The following GLIS3 variants were observed in gnomAD, a reference collection of about 807,000 sequenced individuals.
The protein encoded by GLIS3 is zinc finger protein GLIS3.
A neutral mutation model predicts 78.6 loss-of-function variants in GLIS3; 53 were observed. The ratio of observed to expected loss-of-function variants is 0.67; its 90% confidence interval spans 0.54 to 0.85. GLIS3 has a LOEUF of 0.85. Among genes scored for constraint, GLIS3 ranks in the 40% least tolerant of loss-of-function variants. The pLI is 0.00. For missense variants in GLIS3, 1,703 were observed against 1,231.1 expected, an observed-to-expected ratio of 1.38 and a Z score of -5.74; for synonymous variants, 684 against 509.9, an observed-to-expected ratio of 1.34 and a Z score of -4.60.
the GLIS3 span, among the ~76,000 whole-genome samples, chr9:4,463,127 C>T: frequency 1.3e-5 from 2 of 152,182 alleles, no homozygotes; most frequent in African/African-American, 4.8e-5. Flanking sequence ...TTACCAAATA[C>T]TGTGTCACAG....
chr9:4,108,510 A>T (rs1253230754), intron 4 of GLIS3, among the ~76,000 whole-genome samples: 5 of 152,192 alleles, frequency 3.3e-5, no homozygotes, highest in Admixed American at 6.5e-5. Context: ...CCGCTTCATT[A>T]CAACTGTTCT....
intron 2 of GLIS3, among the ~76,000 whole-genome samples, chr9:4,173,294 C>T (rs141085746): frequency 1.0e-3 from 158 of 152,264 alleles, no homozygotes; most frequent in African/African-American, 3.6e-3. Context: ...TTAATGCCTT[C>T]GAGCTCAGCA....
chr9:4,117,893 G>T lies in GLIS3; in HGVS notation c.1585C>A (p.Arg529Ser), dbSNP rs367832413. 2.5e-6 allele frequency: 4 copies of T among 1,614,006 alleles called. No individual in the cohort carries two copies. In the South Asian group the frequency reaches 3.3e-5, roughly 13 times the overall value. The change falls in exon 4 of 11, where the codon CGC becomes AGC. Residue 529 changes from arginine (R) to serine (S), a missense_variant. Arg to Ser is a moderately radical substitution (Grantham distance 110). Transcript: ENST00000381971. ...AAGCAAGTGAAGTCCTCCCCTTTGC[G>T]CTGGTCGATGTGGACCTTCTCGATG... ...RHIEKVHIDQ[R>S]KGEDFTCFWA...
At chr9:4,347,897 T>C (rs1032495127) in intron 1 of GLIS3, among the ~76,000 whole-genome samples, 3 of 152,192 alleles carry the variant, frequency 2.0e-5, no homozygotes, top group Middle Eastern at 3.2e-3. Context: ...AAGGGAACAA[T>C]AGAGTGGAGT....
At position 3,907,611 on chromosome 9, in the gene GLIS3, CACACACACACACAG is replaced by C. The variant is rs60955434; in HGVS notation, c.1984-8790_1984-8777del. Among the ~76,000 whole-genome samples, 788 of 94,774 alleles carry C rather than the reference CACACACACACACAG, an allele frequency of 8.3e-3. 3 individuals carry two copies. Among genetic ancestry groups the C allele is most frequent in the South Asian group, 0.015 (33 of 2,140 alleles). 62.2% of individuals were successfully genotyped at this position (94,774 alleles called of 152,430 possible). A position where few individuals can be genotyped will look rare whatever the true frequency, so the allele number is the denominator to read the frequency against. ...TAGCATCCTCCACCCCCCAAACACA[CACACACACACACAG>C]ACACACACACACACACACACACACA... On this transcript the variant is annotated intron_variant, in intron 6 of 10. Coordinates refer to ENST00000381971, the MANE Select transcript of GLIS3 (RefSeq NM_001042413.2).
At chr9:4,339,550 C>T (rs766842450) in intron 2 of GLIS3, among the ~76,000 whole-genome samples, 3 of 151,064 alleles carry the variant, frequency 2.0e-5, no homozygotes, top group Non-Finnish European at 4.4e-5. Context: ...GATTGCTAAC[C>T]GGAAAGAACC....
Position 4,032,914 on chromosome 9 carries a change from C to T in GLIS3, c.1710+84854G>A, listed in dbSNP as rs1001542425. On this transcript the variant is annotated intron_variant, in intron 4 of 10. Coordinates refer to ENST00000381971, the MANE Select transcript of GLIS3 (RefSeq NM_001042413.2). ...TGTCGCCCAGGCTGGAGTGCGGTGGCGCAATCTCGGCTCACTGCAAGCTCC... is the reference window on the plus strand; with the variant it reads ...TGTCGCCCAGGCTGGAGTGCGGTGGTGCAATCTCGGCTCACTGCAAGCTCC... Among the ~76,000 whole-genome samples the T allele has an allele frequency of 1.3e-4, 20 of 151,534 alleles. 1 individual carries two copies. The highest frequency in any genetic ancestry group is 6.8e-3 in the Middle Eastern group (2 of 294).
At chr9:3,951,203 C>G (rs899281355) in intron 4 of GLIS3, among the ~76,000 whole-genome samples, 1 of 152,176 alleles carries the variant, frequency 6.6e-6, no homozygotes, top group Non-Finnish European at 1.5e-5. Flanking sequence ...TAAGTGACAA[C>G]AGGTCTTGCT....
At chr9:3,837,014 C>T (rs955301953) in intron 9 of GLIS3, among the ~76,000 whole-genome samples, 1 of 152,122 alleles carries the variant, frequency 6.6e-6, no homozygotes, top group Non-Finnish European at 1.5e-5. Context: ...AAGAATTCAC[C>T]CTATGCCTCT....
At chr9:3,979,063 G>T (rs1328163634) in intron 4 of GLIS3, among the ~76,000 whole-genome samples, 1 of 152,014 alleles carries the variant, frequency 6.6e-6, no homozygotes, top group Non-Finnish European at 1.5e-5. Context: ...TATCCTCATG[G>T]GGTCCTGGAA....
chr9:4,326,639 G>T (rs1056675299), intron 2 of GLIS3, among the ~76,000 whole-genome samples: 1 of 152,010 alleles, frequency 6.6e-6, no homozygotes, highest in East Asian at 1.9e-4. Context: ...ACAACAACGT[G>T]AATGTTCTTA....
chr9:4,403,345 G>A, the GLIS3 span, among the ~76,000 whole-genome samples: 2 of 152,286 alleles, frequency 1.3e-5, no homozygotes, highest in Admixed American at 6.5e-5. Context: ...GGATGTTAAT[G>A]ACCAAGAAGA....
chr9:4,036,229 GTTTGT>G (rs755852896), intron 4 of GLIS3, among the ~76,000 whole-genome samples: 1 of 151,930 alleles, frequency 6.6e-6, no homozygotes, highest in Non-Finnish European at 1.5e-5. Flanking sequence ...TGTTTTTGTT[GTTTGT>G]TTTATTTTTT....
chr9:3,920,773 T>G (rs913341616), intron 6 of GLIS3, among the ~76,000 whole-genome samples: 3 of 152,184 alleles, frequency 2.0e-5, no homozygotes, highest in Non-Finnish European at 4.4e-5. Context: ...CAAAATACAG[T>G]TTCTATTCAA....
At chr9:4,394,543 T>A in the GLIS3 span, among the ~76,000 whole-genome samples, 1 of 152,144 alleles carries the variant, frequency 6.6e-6, no homozygotes, top group Non-Finnish European at 1.5e-5. Flanking sequence ...TGATGCTGTG[T>A]ATTGTTGAGT....
upstream of GLIS3, among the ~76,000 whole-genome samples, chr9:4,300,651 T>C (rs1817029248): frequency 6.6e-6 from 1 of 152,022 alleles, no homozygotes; most frequent in South Asian, 2.1e-4. Context: ...CCTGCGTATG[T>C]TACGTCTATA....
chr9:4,275,441 C>T (rs947572175), intron 2 of GLIS3, among the ~76,000 whole-genome samples: 3 of 152,016 alleles, frequency 2.0e-5, no homozygotes, highest in African/African-American at 4.8e-5. Flanking sequence ...GGGTCCTATT[C>T]AGTGTAAAAC....
intron 4 of GLIS3, among the ~76,000 whole-genome samples, chr9:3,968,513 G>C (rs564341743): frequency 1.3e-5 from 2 of 152,246 alleles, no homozygotes; most frequent in African/African-American, 4.8e-5. Flanking sequence ...ATGCTTAACA[G>C]TGATATATTA....
intron 2 of GLIS3, among the ~76,000 whole-genome samples, chr9:4,340,742 C>T (rs1204882893): frequency 2.0e-5 from 3 of 152,186 alleles, no homozygotes; most frequent in African/African-American, 7.2e-5. Context: ...ATCACCCAGG[C>T]TGGAGTTCAG....
Sources: gnomAD v4.1 joint callset for allele counts (sites outside exome capture counted in the v4.1 genomes callset) on GRCh38, gnomAD v4.1.1 for gene constraint, MANE v1.5 for transcripts, NCBI Gene and HGNC (gene_info 2026-07-23, HGNC 2026-07-21) for gene names.